The following NDRG1 variants were observed in gnomAD, a reference collection of about 807,000 sequenced individuals.
NDRG1 encodes protein NDRG1.
In NDRG1, 32 loss-of-function variants were observed where a neutral mutation model predicts 56.9. The observed-to-expected ratio is 0.56, with a 90% CI of 0.42 to 0.76. The LOEUF is 0.76. Ranked by LOEUF, NDRG1 falls within the 30% of genes least tolerant of loss-of-function variation. NDRG1 has a pLI of 0.00. For missense variants in NDRG1, 507 were observed against 545.7 expected, an observed-to-expected ratio of 0.93 and a Z score of 0.71; for synonymous variants, 211 against 204.1, an observed-to-expected ratio of 1.03 and a Z score of -0.29.
At chr8:133,242,176 G>C (rs1588220733) in intron 14 of NDRG1, 102 bp from the exon 15 acceptor site, 1 of 1,221,534 alleles carries the variant, frequency 8.2e-7, no homozygotes. Flanking sequence ...TGAGAGTTTG[G>C]CTCAAGACAA....
Position 133,237,238 on chromosome 8 carries a change from G to A in NDRG1, c.*1640C>T, listed in dbSNP as rs1855102085. 8.8e-6 allele frequency: 2 copies of A among 227,512 alleles called. No homozygotes were observed. Among genetic ancestry groups the A allele is most frequent in the African/African-American group, 4.4e-5 (2 of 44,968 alleles). The allele number at this position is 227,512 out of a possible 1,614,324, so 14.1% of individuals were successfully genotyped here. A position where few individuals can be genotyped will look rare whatever the true frequency, so the allele number is the denominator to read the frequency against. ...AATATCTCATTAAGAAACTCCTCTG[G>A]AAAGACTTGTGCACAATAGTTTCCC... On this transcript the variant is annotated 3_prime_UTR_variant, in exon 16 of 16. Transcript: ENST00000323851.
intron 1 of NDRG1, chr8:133,296,526 G>A (rs1383294079): frequency 4.4e-6 from 2 of 455,918 alleles, no homozygotes; most frequent in African/African-American, 2.0e-5. Context: ...CCCTGTGTGT[G>A]CTACGGGACT....
intron 5 of NDRG1, among the ~76,000 whole-genome samples, chr8:133,261,061 T>A (rs994391153): frequency 6.6e-6 from 1 of 152,198 alleles, no homozygotes; most frequent in Non-Finnish European, 1.5e-5. Context: ...GATACACGTC[T>A]CAGTAGATAG....
intron 9 of NDRG1, 76 bp downstream of exon 9, chr8:133,254,463 C>A: frequency 6.6e-7 from 1 of 1,525,608 alleles, no homozygotes; most frequent in Non-Finnish European, 9.1e-7. Flanking sequence ...TCCACCCCCA[C>A]ATGGGGCCCT....
intron 3 of NDRG1, among the ~76,000 whole-genome samples, chr8:133,268,631 C>T (rs1055037140): frequency 5.9e-5 from 9 of 152,126 alleles, no homozygotes; most frequent in African/African-American, 2.2e-4. Flanking sequence ...CCGGGAGGCC[C>T]ATCAATCCCA....
At chr8:133,294,022 T>C (rs1858588369) in intron 1 of NDRG1, among the ~76,000 whole-genome samples, 1 of 152,216 alleles carries the variant, frequency 6.6e-6, no homozygotes, top group South Asian at 2.1e-4. Flanking sequence ...GTTTTCCACA[T>C]GCTCAGTGCT....
chr8:133,284,332 G>C lies in NDRG1; in HGVS notation c.-18-3C>G. 1.2e-6 allele frequency: 2 copies of C among 1,612,656 alleles called. No individual in the cohort carries two copies. The highest frequency in any genetic ancestry group is 1.7e-6 in the Non-Finnish European group (2 of 1,179,988). ...GACATGTCCCTGCTGTCACCTGCCT[G>C]CAAGGAGACAAAGGCCAAAAGGTCA... On this transcript the variant is annotated splice_region_variant and splice_polypyrimidine_tract_variant and intron_variant, in intron 1 of 15. Coordinates refer to ENST00000323851, the MANE Select transcript of NDRG1 (RefSeq NM_006096.4).
At chr8:133,245,682 T>C (rs1296082075) in intron 13 of NDRG1, among the ~76,000 whole-genome samples, 5 of 152,280 alleles carry the variant, frequency 3.3e-5, no homozygotes, top group Admixed American at 3.3e-4. Flanking sequence ...TTTCGGACTT[T>C]TAGCTTCCAG....
rs1026551560 is a variant in NDRG1 at position 133,262,183 on chromosome 8, G to A, written c.206-16C>T. 6.2e-7 allele frequency: 1 copy of A among 1,613,990 alleles called. No homozygotes were observed. Among genetic ancestry groups the A allele is most frequent in the Non-Finnish European group, 8.5e-7 (1 of 1,180,040 alleles). ...CAGGTTTTGTCTGAAGAACAGCAGT[G>A]AGGGAGAGAAGAGAAAAAAGTAAGA... On this transcript the variant is annotated splice_polypyrimidine_tract_variant and intron_variant, in intron 4 of 15. Coordinates refer to ENST00000323851, the MANE Select transcript of NDRG1 (RefSeq NM_006096.4).
At chr8:133,256,595 A>G (rs774629299) in intron 8 of NDRG1, among the ~76,000 whole-genome samples, 182 bp downstream of exon 8, 27 of 152,174 alleles carry the variant, frequency 1.8e-4, no homozygotes, top group Non-Finnish European at 3.2e-4. Context: ...CTGAATGGCA[A>G]ACGGCTGAGG....
chr8:133,264,464 G>T, intron 4 of NDRG1, 83 bp downstream of exon 4: 2 of 1,251,872 alleles, frequency 1.6e-6, no homozygotes, highest in African/African-American at 1.5e-5. Flanking sequence ...ACCAGCTCCC[G>T]GCCATCAGCC....
At chr8:133,258,243 A>G in intron 7 of NDRG1, 123 bp downstream of exon 7, 2 of 979,400 alleles carry the variant, frequency 2.0e-6, no homozygotes. Flanking sequence ...ACACACACAC[A>G]CAACTGTGGA....
intron 9 of NDRG1, among the ~76,000 whole-genome samples, chr8:133,252,022 C>T (rs1047993496): frequency 2.0e-5 from 3 of 152,182 alleles, no homozygotes; most frequent in African/African-American, 4.8e-5. Flanking sequence ...GAGCCTGTGG[C>T]GGAGGGGCGG....
At position 133,246,658 on chromosome 8, in the gene NDRG1, C is replaced by T. The variant is rs368468160; in HGVS notation, c.813G>A (p.Glu271=). The T allele has an allele frequency of 8.7e-6, 14 of 1,614,072 alleles. No homozygotes were observed. The highest frequency in any genetic ancestry group is 4.0e-5 in the African/African-American group (3 of 74,928). Residue 271 remains glutamate (E), a synonymous_variant, in exon 13 of 16, where the codon GAG becomes GAA. Coordinates refer to ENST00000323851, the MANE Select transcript of NDRG1 (RefSeq NM_006096.4). The part of the protein sequence containing the change: ...DSSPAVDAVV[E]CNSKLDPTKT... ...TTGTTGGGTCCAATTTTGAGTTGCA[C>T]TCCACCTGCACAAGAGGGAGGAAAT...
intron 10 of NDRG1, 53 bp downstream of exon 10, chr8:133,250,387 T>C (rs1350620805): frequency 1.3e-6 from 2 of 1,485,612 alleles, no homozygotes; most frequent in Non-Finnish European, 1.9e-6. Flanking sequence ...ATTTCGGATC[T>C]ACAGAAGACA....
intron 4 of NDRG1, among the ~76,000 whole-genome samples, chr8:133,264,313 A>G (rs1394298860): frequency 6.6e-6 from 1 of 152,254 alleles, no homozygotes; most frequent in Non-Finnish European, 1.5e-5. Context: ...TGCCACAGAT[A>G]GCAAACAGCT....
At chr8:133,266,711 A>G (rs548234094) in intron 3 of NDRG1, among the ~76,000 whole-genome samples, 1 of 152,274 alleles carries the variant, frequency 6.6e-6, no homozygotes, top group East Asian at 1.9e-4. Context: ...TCATCTGAGA[A>G]ACATTCATTA....
chr8:133,295,016 G>C (rs767370323), intron 1 of NDRG1, among the ~76,000 whole-genome samples: 6 of 152,152 alleles, frequency 3.9e-5, no homozygotes, highest in Non-Finnish European at 1.5e-5. Context: ...CTGTAAAATG[G>C]AAAGAAGTTG....
intron 1 of NDRG1, among the ~76,000 whole-genome samples, chr8:133,295,486 G>A (rs778935130): frequency 3.9e-5 from 6 of 152,158 alleles, no homozygotes; most frequent in Non-Finnish European, 7.3e-5. Context: ...TGGCTCTGCC[G>A]CCACACACAC....
Sources: allele counts gnomAD v4.1 joint callset (sites outside exome capture counted in the v4.1 genomes callset), GRCh38; gene constraint gnomAD v4.1.1; transcripts MANE v1.5; gene names NCBI Gene and HGNC (gene_info 2026-07-23, HGNC 2026-07-21).